MAP3K7CL: variants seen among roughly 807,000 people sequenced by gnomAD.
MAP3K7CL encodes the protein MAP3K7 C-terminal like, also known as MAP3K7 C-terminal-like protein.
MAP3K7CL carries 16 observed loss-of-function variants against 18.6 expected under a neutral mutation model. The observed-to-expected ratio is 0.86, with a 90% confidence interval of 0.58 to 1.31. The LOEUF is 1.31. MAP3K7CL is among the 50% of genes most tolerant of loss of function. MAP3K7CL has a pLI of 0.00. For synonymous variants in MAP3K7CL, 65 were observed against 66.8 expected (o/e 0.97, Z 0.13); for missense variants, 163 against 174.4 (o/e 0.93, Z 0.37).
intron 4 of MAP3K7CL, among the ~76,000 whole-genome samples, chr21:29,114,791 C>T (rs961301498): frequency 1.3e-5 from 2 of 151,978 alleles, no homozygotes; most frequent in Non-Finnish European, 2.9e-5. Flanking sequence ...TAGACCAGGC[C>T]CTGGATTAAT....
intron 2 of MAP3K7CL, among the ~76,000 whole-genome samples, chr21:29,137,369 A>G (rs2086908642): frequency 2.0e-5 from 3 of 152,204 alleles, no homozygotes; most frequent in South Asian, 4.1e-4. Context: ...AAAAGAGAAC[A>G]GCATGACCTC....
chr21:29,149,049 C>G (rs1196424904), intron 2 of MAP3K7CL, 140 bp from the exon 3 acceptor site: 3 of 732,126 alleles, frequency 4.1e-6, no homozygotes, highest in Non-Finnish European at 6.9e-6. Flanking sequence ...GCAAAATTGT[C>G]CTTTACATTC....
At chr21:29,105,381 T>C (rs545794862) in intron 4 of MAP3K7CL, among the ~76,000 whole-genome samples, 1 of 152,322 alleles carries the variant, frequency 6.6e-6, no homozygotes, top group African/African-American at 2.4e-5. Context: ...CCACTGAGCC[T>C]CTCGAGCTCT....
chr21:29,110,832 A>T (rs1011522994), intron 4 of MAP3K7CL, among the ~76,000 whole-genome samples: 13 of 152,174 alleles, frequency 8.5e-5, no homozygotes, highest in Admixed American at 5.9e-4. Flanking sequence ...TGTTTCTTTT[A>T]AAAATGCTAT....
chr21:29,091,162 T>C (rs1438416424), intron 1 of MAP3K7CL, among the ~76,000 whole-genome samples: 1 of 152,200 alleles, frequency 6.6e-6, no homozygotes, highest in Non-Finnish European at 1.5e-5. Flanking sequence ...CACATCTATA[T>C]ACATTCCTTT....
At chr21:29,104,851 C>T (rs1464085505) in intron 4 of MAP3K7CL, among the ~76,000 whole-genome samples, 1 of 152,186 alleles carries the variant, frequency 6.6e-6, no homozygotes, top group Non-Finnish European at 1.5e-5. Context: ...ATCCTTCCTG[C>T]AGTCTTTTCA....
intron 4 of MAP3K7CL, among the ~76,000 whole-genome samples, chr21:29,113,092 G>T (rs1213519123): frequency 1.3e-5 from 2 of 152,076 alleles, no homozygotes; most frequent in East Asian, 3.8e-4. Flanking sequence ...ACTGCGCCCG[G>T]CCCCATTTAT....
upstream of MAP3K7CL, chr21:29,127,790 A>G (rs912030702): frequency 1.3e-5 from 2 of 152,212 alleles, no homozygotes; most frequent in Non-Finnish European, 2.9e-5. Context: ...GGCAATCCCC[A>G]GGCTCACTTT....
intron 4 of MAP3K7CL, among the ~76,000 whole-genome samples, chr21:29,108,789 C>G (rs961168875): frequency 6.6e-6 from 1 of 152,138 alleles, no homozygotes; most frequent in African/African-American, 2.4e-5. Context: ...TAAAGGAAAA[C>G]ATAAGTATTG....
intron 4 of MAP3K7CL, among the ~76,000 whole-genome samples, chr21:29,107,393 C>A (rs1421809264): frequency 1.3e-5 from 2 of 152,124 alleles, no homozygotes; most frequent in Non-Finnish European, 2.9e-5. Flanking sequence ...CTCTCAGGAA[C>A]AGAAAGCAAC....
At chr21:29,099,331 C>T (rs1451136684) in intron 4 of MAP3K7CL, among the ~76,000 whole-genome samples, 2 of 137,454 alleles carry the variant, frequency 1.5e-5, no homozygotes, top group Admixed American at 1.6e-4. Flanking sequence ...TCTTGAACTT[C>T]CGGGTTCAAG....
Position 29,109,086 on chromosome 21 carries a change from A to G in MAP3K7CL, c.370+16505A>G, listed in dbSNP as rs1176636762. The G allele has an allele frequency of 2.6e-6, 4 of 1,535,280 alleles. No homozygotes were observed. In the South Asian group the frequency reaches 4.8e-5, roughly 18 times the overall value. ...GGATCCTATCAGAGAAACCTTGTTCATCATTTCATTTCCAAATTATGAAGA... is the reference window on the plus strand; with the variant it reads ...GGATCCTATCAGAGAAACCTTGTTCGTCATTTCATTTCCAAATTATGAAGA... On this transcript the variant is annotated intron_variant, in intron 4 of 6. Coordinates refer to the MAP3K7CL transcript ENST00000286791.
intron 4 of MAP3K7CL, among the ~76,000 whole-genome samples, chr21:29,117,093 T>C (rs1302193414): frequency 6.6e-6 from 1 of 152,130 alleles, no homozygotes; most frequent in Non-Finnish European, 1.5e-5. Context: ...GTGAAATCTG[T>C]CTTAACTATC....
intron 4 of MAP3K7CL, among the ~76,000 whole-genome samples, chr21:29,095,585 A>G (rs771474496): frequency 6.6e-6 from 1 of 152,252 alleles, no homozygotes; most frequent in Non-Finnish European, 1.5e-5. Context: ...GCCAGTATTA[A>G]GTATTTTCCT....
At chr21:29,148,141 G>A (rs1802962574) in intron 2 of MAP3K7CL, among the ~76,000 whole-genome samples, 1 of 151,182 alleles carries the variant, frequency 6.6e-6, no homozygotes, top group South Asian at 2.1e-4. Context: ...TTATATGTAT[G>A]TACTGTATAT....
At chr21:29,124,605 G>C (rs1159009074) in intron 4 of MAP3K7CL, among the ~76,000 whole-genome samples, 1 of 152,204 alleles carries the variant, frequency 6.6e-6, no homozygotes, top group African/African-American at 2.4e-5. Context: ...ACAAATCAAG[G>C]GTCCAAAAAC....
chr21:29,104,621 A>C (rs2146540105), intron 4 of MAP3K7CL, among the ~76,000 whole-genome samples: 1 of 152,292 alleles, frequency 6.6e-6, no homozygotes, highest in South Asian at 2.1e-4. Flanking sequence ...GAAACCTGAC[A>C]CTGTCCTGAG....
At chr21:29,131,392 T>C (rs192652111) in intron 1 of MAP3K7CL, 5 of 152,344 alleles carry the variant, frequency 3.3e-5, no homozygotes, top group Admixed American at 1.3e-4. Flanking sequence ...CTTTTCTTTT[T>C]AGCTAAAATG....
intron 1 of MAP3K7CL, among the ~76,000 whole-genome samples, chr21:29,132,095 G>T (rs1430354129): frequency 6.6e-6 from 1 of 152,082 alleles, no homozygotes; most frequent in African/African-American, 2.4e-5. Context: ...GTTTAGGGGA[G>T]GTGGGACTAA....
Sources: allele counts gnomAD v4.1 joint callset (sites outside exome capture counted in the v4.1 genomes callset), GRCh38; gene constraint gnomAD v4.1.1; transcripts MANE v1.5; gene names NCBI Gene and HGNC (gene_info 2026-07-23, HGNC 2026-07-21).